Variants in PIAS4 observed in about 807,000 individuals in gnomAD.
The protein encoded by PIAS4 is E3 SUMO-protein ligase PIAS4.
A neutral mutation model predicts 58.0 loss-of-function variants in PIAS4; 7 were observed. That is an observed-to-expected ratio of 0.12 (90% CI 0.07 to 0.23). The LOEUF (loss-of-function observed/expected upper bound fraction) is 0.23. Ranked by LOEUF, PIAS4 falls within the 10% of genes least tolerant of loss-of-function variation. PIAS4 has a pLI of 1.00. For synonymous variants in PIAS4, 364 were observed against 312.4 expected, an observed-to-expected ratio of 1.17 and a Z score of -1.74; for missense variants, 550 against 709.5, an observed-to-expected ratio of 0.78 and a Z score of 2.55.
Position 4,028,197 on chromosome 19 carries a change from G to C in PIAS4, c.581+10G>C. 1 of 1,610,158 alleles carries C rather than the reference G, an allele frequency of 6.2e-7. No individual in the cohort carries two copies. Among genetic ancestry groups the C allele is most frequent in the Non-Finnish European group, 8.5e-7 (1 of 1,179,724 alleles). On this transcript the variant is annotated intron_variant, in intron 4 of 10. Coordinates refer to ENST00000262971, the MANE Select transcript of PIAS4 (RefSeq NM_015897.4). ...TGCAGGTCGTCCTGAGGTATGCCCA[G>C]GTGTGCCCGCGACCCCAGGGCTGGA...
intron 2 of PIAS4, among the ~76,000 whole-genome samples, chr19:4,021,215 C>T (rs1360112486): frequency 1.3e-5 from 2 of 152,152 alleles, no homozygotes; most frequent in Non-Finnish European, 1.5e-5. Flanking sequence ...TGCAGTTACA[C>T]AATCTCGGCT....
chr19:4,026,961 C>T (rs940773313), intron 3 of PIAS4, among the ~76,000 whole-genome samples: 2 of 152,134 alleles, frequency 1.3e-5, no homozygotes, highest in African/African-American at 4.8e-5. Flanking sequence ...CATTCTCCTG[C>T]CTCAGCCTCC....
In PIAS4 at chr19:4,038,174, A is replaced by G. The variant is rs2040322996; in HGVS notation, c.*299A>G. ...TCCCCGGCTGGAGTCCGAGCCGGGA[A>G]GGGGTAGTGGGCGGGAGGGACCAGG... is the stretch of plus-strand genomic sequence containing the variant. On this transcript the variant is annotated 3_prime_UTR_variant, in exon 11 of 11. Transcript: ENST00000262971. The surrounding 1 kb of genome is among the most constrained non-coding windows in gnomAD (Gnocchi z 4.1). The G allele has an allele frequency of 2.8e-6, 1 of 359,516 alleles. No individual in the cohort carries two copies. The highest frequency in any genetic ancestry group is 4.9e-5 in the Admixed American group (1 of 20,568). The allele number at this position is 359,516 out of a possible 1,614,324, so 22.3% of individuals were successfully genotyped here. A position where few individuals can be genotyped will look rare whatever the true frequency, so the allele number is the denominator to read the frequency against.
rs1483336475 is a variant in PIAS4 at position 4,039,297 on chromosome 19, CG to C, written c.*1425del. ...CGCAGCTCGGCCCCTCCCGCCCGCA[CG>C]GGCAGCTGAAGGCCGCTGTTTTCTA... On this transcript the variant is annotated 3_prime_UTR_variant, in exon 11 of 11. Transcript: ENST00000262971. The C allele has an allele frequency of 2.0e-5, 3 of 152,298 alleles. No individual in the cohort carries two copies. Among genetic ancestry groups the C allele is most frequent in the African/African-American group, 7.2e-5 (3 of 41,476 alleles). 9.4% of individuals were successfully genotyped at this position (152,298 alleles called of 1,614,324 possible).
In PIAS4 at chr19:4,037,652, G is replaced by T; in HGVS notation, c.1310G>T (p.Ser437Ile). 6.2e-7 allele frequency: 1 copy of T among 1,611,856 alleles called. No individual in the cohort carries two copies. Among genetic ancestry groups the T allele is most frequent in the Non-Finnish European group, 8.5e-7 (1 of 1,179,766 alleles). The change falls in exon 11 of 11, where the codon AGC (serine) becomes ATC (isoleucine). Residue 437 changes from serine to isoleucine, a missense_variant. Coordinates refer to ENST00000262971, the MANE Select transcript of PIAS4 (RefSeq NM_015897.4). This position sits in a 1 kb window ranked among gnomAD's most constrained non-coding sequence, Gnocchi z 5.8. ...SDANGLLPAP[S>I]VNGSGALGST... is the part of the protein sequence containing the mutation. Reference sequence around the variant, plus strand: ...GCCAATGGGCTCCTGCCCGCCCCCAGCGTCAACGGGAGCGGTGCCCTGGGC... The same window carrying T: ...GCCAATGGGCTCCTGCCCGCCCCCATCGTCAACGGGAGCGGTGCCCTGGGC...
chr19:4,038,112 ACT>A lies in PIAS4; in HGVS notation c.*240_*241del, dbSNP rs781549379. On this transcript the variant is annotated 3_prime_UTR_variant, in exon 11 of 11. Transcript: ENST00000262971. This position sits in a 1 kb window ranked among gnomAD's most constrained non-coding sequence, Gnocchi z 4.1. ...AAGAAAAATGAAACAAAAAAGTCAA[ACT>A]CTTAAAAACAAGGCCGGCCACCCAC... is the stretch of plus-strand genomic sequence containing the variant. 373 of 495,912 alleles carry A rather than the reference ACT, an allele frequency of 7.5e-4. No individual in the cohort carries two copies. Among genetic ancestry groups the A allele is most frequent in the Non-Finnish European group, 1.1e-3 (323 of 287,188 alleles). The allele number at this position is 495,912 out of a possible 1,614,324, so 30.7% of individuals were successfully genotyped here.
chr19:4,016,562 T>C (rs1169702816), intron 2 of PIAS4, among the ~76,000 whole-genome samples: 2 of 152,214 alleles, frequency 1.3e-5, no homozygotes, highest in Non-Finnish European at 2.9e-5. Context: ...ATAAGTCTCA[T>C]GGCACACGGA....
Position 4,037,362 on chromosome 19 carries a change from G to T in PIAS4, c.1143-12G>T, listed in dbSNP as rs376415590. 1.3e-6 allele frequency: 2 copies of T among 1,595,996 alleles called. No individual in the cohort carries two copies. The highest frequency in any genetic ancestry group is 2.2e-5 in the East Asian group (1 of 44,456). On this transcript the variant is annotated splice_polypyrimidine_tract_variant and intron_variant, in intron 9 of 10. Coordinates refer to ENST00000262971, the MANE Select transcript of PIAS4 (RefSeq NM_015897.4). The surrounding 1 kb of genome is among the most constrained non-coding windows in gnomAD (Gnocchi z 5.8). ...CCTCCAGCCCCGGCGTCAGCTGTCC[G>T]CCTCGCCCCAGGCTCCTCTCGAAGA...
chr19:4,015,485 G>T (rs1199228140), intron 2 of PIAS4, among the ~76,000 whole-genome samples: 1 of 152,104 alleles, frequency 6.6e-6, no homozygotes, highest in African/African-American at 2.4e-5. Context: ...TCTCCCACTG[G>T]CTCTCTCTCC....
At position 4,013,922 on chromosome 19, in the gene PIAS4, C is replaced by T. The variant is rs373170446; in HGVS notation, c.454+573C>T. On this transcript the variant is annotated intron_variant, in intron 2 of 10. Coordinates refer to ENST00000262971, the MANE Select transcript of PIAS4 (RefSeq NM_015897.4). The surrounding 1 kb of genome is among the most constrained non-coding windows in gnomAD (Gnocchi z 5.1). ...GCCTCGCCATCTCCCCCACAGAGTC[C>T]GTTGCTCACACAGACTCTGTGGCGC... Among the ~76,000 whole-genome samples the T allele has an allele frequency of 1.9e-4, 29 of 152,220 alleles. No individual in the cohort carries two copies. The highest frequency in any genetic ancestry group is 5.8e-4 in the African/African-American group (24 of 41,538).
Position 4,026,073 on chromosome 19 carries a change from C to CAAAAAAA in PIAS4, c.539+1967_539+1973dup, listed in dbSNP as rs34554020. On this transcript the variant is annotated intron_variant, in intron 3 of 10. Transcript: ENST00000262971. ...TGGGCAACAAAGGGAGACTCCGTCT[C>CAAAAAAA]AAAAAAAAAAAAAAAAAAAAGTTTG... is the stretch of plus-strand genomic sequence containing the variant. 5.0e-3 allele frequency among the ~76,000 whole-genome samples: 386 copies of CAAAAAAA among 76,758 alleles called. 3 individuals are homozygous for CAAAAAAA. Among genetic ancestry groups the CAAAAAAA allele is most frequent in the African/African-American group, 0.022 (361 of 16,530 alleles). The allele number at this position is 76,758 out of a possible 152,430, so 50.4% of individuals were successfully genotyped here. A position where few individuals can be genotyped will look rare whatever the true frequency, so the allele number is the denominator to read the frequency against.
At chr19:4,030,536 G>C (rs1263807548) in intron 7 of PIAS4, among the ~76,000 whole-genome samples, 1 of 151,726 alleles carries the variant, frequency 6.6e-6, no homozygotes, top group East Asian at 1.9e-4. Flanking sequence ...GGAGAATGGC[G>C]TGAACCCAGG....
At chr19:4,034,040 G>T (rs2040251343) in intron 9 of PIAS4, among the ~76,000 whole-genome samples, 1 of 152,208 alleles carries the variant, frequency 6.6e-6, no homozygotes, top group Non-Finnish European at 1.5e-5. Context: ...CACAGCTGTG[G>T]CCAGGCATTC....
Position 4,038,249 on chromosome 19 carries a change from T to A in PIAS4, c.*374T>A. 8.0e-5 allele frequency: 17 copies of A among 213,094 alleles called. No individual in the cohort carries two copies. The highest frequency in any genetic ancestry group is 1.5e-4 in the Non-Finnish European group (16 of 108,354). The allele number at this position is 213,094 out of a possible 1,614,324, so 13.2% of individuals were successfully genotyped here. On this transcript the variant is annotated 3_prime_UTR_variant, in exon 11 of 11. Coordinates refer to ENST00000262971, the MANE Select transcript of PIAS4 (RefSeq NM_015897.4). This position sits in a 1 kb window ranked among gnomAD's most constrained non-coding sequence, Gnocchi z 4.1. ...GGATGCCCCGCCGCCCGCCGCCCTCTGCCCACGACCATTCCAGCCAGTGCG... is the reference window on the plus strand; with the variant it reads ...GGATGCCCCGCCGCCCGCCGCCCTCAGCCCACGACCATTCCAGCCAGTGCG...
Position 4,013,061 on chromosome 19 carries a change from A to G in PIAS4, c.166A>G (p.Lys56Glu). Residue 56 changes from lysine to glutamate, a missense_variant, in exon 2 of 11, where the codon AAG becomes GAG. Physicochemically the swap from Lys to Glu is moderately conservative, Grantham distance 56 (BLOSUM62 1). This residue lies in a region of PIAS4 where 42 missense variants were observed against 84.3 expected (regional missense o/e 0.50). Coordinates refer to ENST00000262971, the MANE Select transcript of PIAS4 (RefSeq NM_015897.4). The surrounding 1 kb of genome is among the most constrained non-coding windows in gnomAD (Gnocchi z 5.1). ...VQFDCSPELFKKIKELYETRY... is the reference protein window; with the variant it reads ...VQFDCSPELFEKIKELYETRY... ...GTTTGACTGTAGCCCTGAGCTGTTCAAGAAGATCAAGGAGCTGTACGAGAC... is the reference window on the plus strand; with the variant it reads ...GTTTGACTGTAGCCCTGAGCTGTTCGAGAAGATCAAGGAGCTGTACGAGAC... 6.2e-7 allele frequency: 1 copy of G among 1,613,478 alleles called. No individual in the cohort carries two copies. The highest frequency in any genetic ancestry group is 8.5e-7 in the Non-Finnish European group (1 of 1,179,988).
intron 9 of PIAS4, among the ~76,000 whole-genome samples, chr19:4,036,832 T>TCA (rs561780709): frequency 2.1e-5 from 3 of 141,086 alleles, no homozygotes; most frequent in African/African-American, 3.0e-5. Context: ...GTCCACACCG[T>TCA]CACACACACA....
intron 1 of PIAS4, among the ~76,000 whole-genome samples, chr19:4,009,147 T>C (rs2039969892): frequency 6.6e-6 from 1 of 151,824 alleles, no homozygotes; most frequent in African/African-American, 2.4e-5. Flanking sequence ...CCCTCCCCCA[T>C]CCCCTTTCAC....
chr19:4,036,591 C>G (rs938158838), intron 9 of PIAS4, among the ~76,000 whole-genome samples: 2 of 145,162 alleles, frequency 1.4e-5, no homozygotes, highest in Non-Finnish European at 3.0e-5. Context: ...TCCACACCGT[C>G]ATACACACAC....
intron 9 of PIAS4, among the ~76,000 whole-genome samples, chr19:4,036,809 A>T (rs1171000016): frequency 3.4e-5 from 5 of 149,168 alleles, no homozygotes; most frequent in Admixed American, 6.6e-5. Flanking sequence ...CCACACCGTC[A>T]CATATCTGTA....
Sources: gnomAD v4.1 joint callset for allele counts (sites outside exome capture counted in the v4.1 genomes callset) on GRCh38, gnomAD v4.1.1 for gene constraint, gnomAD v4.1.1 regional missense constraint, Gnocchi (gnomAD v3.1) non-coding constraint, MANE v1.5 for transcripts, NCBI Gene and HGNC (gene_info 2026-07-23, HGNC 2026-07-21) for gene names.